The following ZNF674 variants were observed in gnomAD, a reference collection of about 807,000 sequenced individuals.
ZNF674 encodes the protein zinc finger protein 674, also known as zinc finger family member 674.
In ZNF674, 2 loss-of-function variants were observed where a neutral mutation model predicts 7.0. The ratio of observed to expected loss-of-function variants is 0.29; its 90% CI spans 0.12 to 0.90. The LOEUF (loss-of-function observed/expected upper bound fraction) is 0.90, where lower values mean the gene tolerates loss of function less well. ZNF674 is among the 40% of genes least tolerant of loss of function. The pLI is 0.57. For missense variants in ZNF674, 297 were observed against 415.5 expected (o/e 0.71, Z 2.48); for synonymous variants, 103 against 145.2 (o/e 0.71, Z 2.09).
At position 46,527,352 on chromosome X, in the gene ZNF674, A is replaced by G. The variant is rs144307633; in HGVS notation, c.238+998T>C. On this transcript the variant is annotated intron_variant, in intron 5 of 5. Coordinates refer to ENST00000683375, the MANE Select transcript of ZNF674 (RefSeq NM_001190417.2). Reference sequence around the variant, plus strand: ...TACAACAAATACTTCCACAAAGAAGATATAAAGATAGCAAATAAGGGCTCA... The same window carrying G: ...TACAACAAATACTTCCACAAAGAAGGTATAAAGATAGCAAATAAGGGCTCA... 8.2e-3 allele frequency among the ~76,000 whole-genome samples: 916 copies of G among 111,804 alleles called. 8 individuals are homozygous for G. The highest frequency in any genetic ancestry group is 0.031 in the South Asian group (85 of 2,714).
At chrX:46,514,893 T>C (rs1394453491) in intron 5 of ZNF674, among the ~76,000 whole-genome samples, 2 of 112,245 alleles carry the variant, frequency 1.8e-5, no homozygotes, top group African/African-American at 6.5e-5. Context: ...AGCAGGTATT[T>C]GCTGGGAGAG....
At chrX:46,533,468 C>A (rs749235053) in intron 3 of ZNF674, among the ~76,000 whole-genome samples, 1 of 110,634 alleles carries the variant, frequency 9.0e-6, no homozygotes, top group East Asian at 2.8e-4. Flanking sequence ...CTGGTTACAG[C>A]AAAAATAAAT....
intron 3 of ZNF674, among the ~76,000 whole-genome samples, chrX:46,537,925 C>T (rs752680510): frequency 3.7e-4 from 41 of 111,252 alleles, no homozygotes; most frequent in Non-Finnish European, 6.2e-4. Flanking sequence ...CCCGTCTCTA[C>T]TAAAAATACA....
rs755777788 is a variant in ZNF674 at position 46,502,305 on chromosome X, C to CAAAA, written c.239-974_239-971dup. ...TAGGTGACAGAGCAAGACTCCGTCT[C>CAAAA]AAAAAAAAAAAAAGAAAAGAAAATT... On this transcript the variant is annotated intron_variant, in intron 5 of 5. Transcript: ENST00000683375. Among the ~76,000 whole-genome samples the CAAAA allele has an allele frequency of 2.5e-3, 174 of 70,815 alleles. 8 individuals are homozygous for CAAAA. The South Asian group carries it at 0.039, about 16-fold the overall frequency. The allele number at this position is 70,815 out of a possible 115,157, so 61.5% of individuals were successfully genotyped here. A position where few individuals can be genotyped will look rare whatever the true frequency, so the allele number is the denominator to read the frequency against.
chrX:46,540,020 G>A (rs923480814), intron 3 of ZNF674, among the ~76,000 whole-genome samples: 3 of 111,641 alleles, frequency 2.7e-5, no homozygotes, highest in South Asian at 3.7e-4. Context: ...CGAGGAGGGC[G>A]GATCACGAGG....
In ZNF674 at chrX:46,521,597, G is replaced by A. The variant is rs750683799; in HGVS notation, c.238+6753C>T. On this transcript the variant is annotated intron_variant, in intron 5 of 5. Transcript: ENST00000683375. Reference sequence around the variant, plus strand: ...AAGAAAGAAAATAGTACTATGGGCCGGGCGCAGTGGTTCACACCTGTCATC... The same window carrying A: ...AAGAAAGAAAATAGTACTATGGGCCAGGCGCAGTGGTTCACACCTGTCATC... Among the ~76,000 whole-genome samples the A allele has an allele frequency of 5.6e-5, 6 of 107,333 alleles. No homozygotes were observed. The South Asian group carries it at 1.7e-3, about 31-fold the overall frequency. The allele number at this position is 107,333 out of a possible 115,157, so 93.2% of individuals were successfully genotyped here. A position where few individuals can be genotyped will look rare whatever the true frequency, so the allele number is the denominator to read the frequency against.
intron 2 of ZNF674, among the ~76,000 whole-genome samples, chrX:46,542,590 T>C (rs1027892813): frequency 9.0e-6 from 1 of 111,058 alleles, no homozygotes; most frequent in Non-Finnish European, 1.9e-5. Flanking sequence ...GGTGCATGCC[T>C]GTAGTCCCAG....
At chrX:46,518,729 A>G (rs1350580827) in intron 5 of ZNF674, among the ~76,000 whole-genome samples, 2 of 107,420 alleles carry the variant, frequency 1.9e-5, no homozygotes, top group Non-Finnish European at 3.8e-5. Context: ...CAAAAAAAAA[A>G]AAAAAAATTA....
At chrX:46,518,867 G>T (rs868185637) in intron 5 of ZNF674, among the ~76,000 whole-genome samples, 3 of 104,857 alleles carry the variant, frequency 2.9e-5, no homozygotes, top group African/African-American at 6.9e-5. Flanking sequence ...CTCCAGCCTG[G>T]GTGACAGAGC....
chrX:46,505,075 A>C (rs1469389661), intron 5 of ZNF674, among the ~76,000 whole-genome samples: 1 of 109,916 alleles, frequency 9.1e-6, no homozygotes, highest in African/African-American at 3.3e-5. Flanking sequence ...TTTTTAGTAG[A>C]GACGGGGTTT....
At chrX:46,519,082 A>T (rs1941829623) in intron 5 of ZNF674, among the ~76,000 whole-genome samples, 1 of 108,070 alleles carries the variant, frequency 9.3e-6, no homozygotes, top group Non-Finnish European at 1.9e-5. Context: ...GTGTGCCTGT[A>T]GTCCCAGCTA....
rs893098020 is a variant in ZNF674 at position 46,512,462 on chromosome X, T to G, written c.239-11127A>C. On this transcript the variant is annotated intron_variant, in intron 5 of 5. Transcript: ENST00000683375. ...TGCTCAGCCCCCCAAAAAAAATACT[T>G]AAAATTACACAAAAAGGGTCGGGCA... 5.5e-5 allele frequency among the ~76,000 whole-genome samples: 6 copies of G among 108,272 alleles called. No homozygotes were observed. In the Admixed American group the frequency reaches 6.0e-4, roughly 11 times the overall value. 94.0% of individuals were successfully genotyped at this position (108,272 alleles called of 115,157 possible). A position where few individuals can be genotyped will look rare whatever the true frequency, so the allele number is the denominator to read the frequency against.
Position 46,519,210 on chromosome X carries a change from TTAGATAGATAGATAGATAGA to T in ZNF674, c.238+9120_238+9139del, listed in dbSNP as rs61702218. On this transcript the variant is annotated intron_variant, in intron 5 of 5. Coordinates refer to ENST00000683375, the MANE Select transcript of ZNF674 (RefSeq NM_001190417.2). The stretch of plus-strand genomic sequence containing the variant: ...AGAGCGAGACACCATCTCAGATAGA[TTAGATAGATAGATAGATAGA>T]TAGATAGATAGATAGATAGATAGAT... Among the ~76,000 whole-genome samples, 379 of 74,312 alleles carry T rather than the reference TTAGATAGATAGATAGATAGA, an allele frequency of 5.1e-3. 2 individuals carry two copies. The highest frequency in any genetic ancestry group is 0.019 in the African/African-American group (364 of 19,003). 64.5% of individuals were successfully genotyped at this position (74,312 alleles called of 115,157 possible). A position where few individuals can be genotyped will look rare whatever the true frequency, so the allele number is the denominator to read the frequency against.
chrX:46,522,936 C>A (rs1941940503), intron 5 of ZNF674: 1 of 114,057 alleles, frequency 8.8e-6, no homozygotes, highest in Non-Finnish European at 1.9e-5. Flanking sequence ...AAAATAATTA[C>A]CCCCGAATTT....
Position 46,505,496 on chromosome X carries a change from C to T in ZNF674, c.239-4161G>A, listed in dbSNP as rs371461410. Among the ~76,000 whole-genome samples the T allele has an allele frequency of 3.8e-3, 428 of 111,889 alleles. 4 individuals carry two copies. The highest frequency in any genetic ancestry group is 0.013 in the African/African-American group (410 of 30,873). On this transcript the variant is annotated intron_variant, in intron 5 of 5. Transcript: ENST00000683375. Reference sequence around the variant, plus strand: ...TTTATTCAAGAAAAACTATGCCAGACGTGGTGACTCATGCCTATAATCCCA... The same window carrying T: ...TTTATTCAAGAAAAACTATGCCAGATGTGGTGACTCATGCCTATAATCCCA...
intron 2 of ZNF674, among the ~76,000 whole-genome samples, chrX:46,544,180 C>T (rs1487429357): frequency 2.7e-5 from 3 of 113,059 alleles, no homozygotes; most frequent in African/African-American, 6.4e-5. Context: ...ACCTGTCCCT[C>T]CTCCAGCAGG....
intron 5 of ZNF674, among the ~76,000 whole-genome samples, chrX:46,506,416 A>G (rs1012499436): frequency 1.1e-4 from 6 of 56,997 alleles, no homozygotes; most frequent in South Asian, 7.2e-4. Flanking sequence ...TTTGCATGGG[A>G]AAAAAAAAAA....
intron 3 of ZNF674, among the ~76,000 whole-genome samples, chrX:46,532,475 G>A (rs1942126235): frequency 8.9e-6 from 1 of 111,954 alleles, no homozygotes; most frequent in Admixed American, 9.6e-5. Flanking sequence ...TCATTAGAGA[G>A]AGAGAAAAAA....
At chrX:46,510,540 G>T (rs926121078) in intron 5 of ZNF674, among the ~76,000 whole-genome samples, 3 of 112,273 alleles carry the variant, frequency 2.7e-5, no homozygotes, top group Non-Finnish European at 3.8e-5. Flanking sequence ...TGTAATCCCA[G>T]CATTTTGGGA....
Sources: allele counts gnomAD v4.1 joint callset (sites outside exome capture counted in the v4.1 genomes callset), GRCh38; gene constraint gnomAD v4.1.1; transcripts MANE v1.5; gene names NCBI Gene and HGNC (gene_info 2026-07-23, HGNC 2026-07-21).